The following GREM1 variants were observed in gnomAD, a reference collection of about 807,000 sequenced individuals.
GREM1 encodes the protein gremlin 1, DAN family BMP antagonist.
Under a neutral mutation model 13.1 loss-of-function variants are expected in GREM1, and 6 were observed. The observed-to-expected ratio is 0.46, with a 90% confidence interval of 0.25 to 0.91. The LOEUF is 0.91. Among genes scored for constraint, GREM1 ranks in the 40% least tolerant of loss-of-function variants. The pLI is 0.18. For missense variants in GREM1, 185 were observed against 233.9 expected (o/e 0.79, Z 1.36); for synonymous variants, 98 against 93.7 (o/e 1.05, Z -0.27).
rs2055709231 is a variant in GREM1, at chr15:32,737,446, A to T, written c.*6201A>T. The T allele has an allele frequency of 6.6e-6, 1 of 152,212 alleles. No individual in the cohort carries two copies. The highest frequency in any genetic ancestry group is 2.1e-4 in the South Asian group (1 of 4,826). The allele number at this position is 152,212 out of a possible 1,614,324, so 9.4% of individuals were successfully genotyped here. A position where few individuals can be genotyped will look rare whatever the true frequency, so the allele number is the denominator to read the frequency against. ...TTGACCAAGTGGGATTTGCCCCAGGAATGCAAGATTGATTTAACCATCAGT... is the reference window on the plus strand; with the variant it reads ...TTGACCAAGTGGGATTTGCCCCAGGTATGCAAGATTGATTTAACCATCAGT... On this transcript the variant is annotated 3_prime_UTR_variant, in exon 2 of 2. Transcript: ENST00000651154.
At position 32,734,145 on chromosome 15, in the gene GREM1, C is replaced by T. The variant is rs1422716141; in HGVS notation, c.*2900C>T. 1 of 241,634 alleles carries T rather than the reference C, an allele frequency of 4.1e-6. No homozygotes were observed. Among genetic ancestry groups the T allele is most frequent in the Admixed American group, 5.7e-5 (1 of 17,568 alleles). 15.0% of individuals were successfully genotyped at this position (241,634 alleles called of 1,614,324 possible). A position where few individuals can be genotyped will look rare whatever the true frequency, so the allele number is the denominator to read the frequency against. On this transcript the variant is annotated 3_prime_UTR_variant, in exon 2 of 2. Transcript: ENST00000651154. Reference sequence around the variant, plus strand: ...CTGGTCAGGGGAAACAAAATCTTGACCCAGCTGAACATGTCTTCCTGAGTC... The same window carrying T: ...CTGGTCAGGGGAAACAAAATCTTGATCCAGCTGAACATGTCTTCCTGAGTC...
chr15:32,718,478 C>G (rs1333268040), intron 1 of GREM1: 6 of 465,828 alleles, frequency 1.3e-5, no homozygotes, highest in Non-Finnish European at 2.2e-5. Flanking sequence ...GGCAGCAGCG[C>G]CTGGCAGACG....
rs2055732777 is a variant in GREM1, at chr15:32,738,424, T to C, written c.*7179T>C. The stretch of plus-strand genomic sequence containing the variant: ...AACAGGAAGTGCAAGACTGGTACAT[T>C]GAAAACAATAAAACATTGTTAAAAA... On this transcript the variant is annotated 3_prime_UTR_variant, in exon 2 of 2. Transcript: ENST00000651154. 6.6e-6 allele frequency: 1 copy of C among 151,948 alleles called. No individual in the cohort carries two copies. The highest frequency in any genetic ancestry group is 2.4e-5 in the African/African-American group (1 of 41,318). The allele number at this position is 151,948 out of a possible 1,614,324, so 9.4% of individuals were successfully genotyped here.
At chr15:32,729,854 G>C (rs200428012) in intron 1 of GREM1, among the ~76,000 whole-genome samples, 1 of 151,876 alleles carries the variant, frequency 6.6e-6, no homozygotes, top group African/African-American at 2.4e-5. Context: ...GTGGTACAAA[G>C]TGATACATTG....
Position 32,732,368 on chromosome 15 carries a change from T to A in GREM1, c.*1123T>A, listed in dbSNP as rs763375728. On this transcript the variant is annotated 3_prime_UTR_variant, in exon 2 of 2. Transcript: ENST00000651154. The stretch of plus-strand genomic sequence containing the variant: ...CCACTAACTTGATTGATAAAGATCC[T>A]GCCTCTGCTGAGTGTACCTGACAGT... The A allele has an allele frequency of 4.1e-6, 1 of 243,356 alleles. No individual in the cohort carries two copies. The highest frequency in any genetic ancestry group is 8.7e-6 in the Non-Finnish European group (1 of 115,202). 15.1% of individuals were successfully genotyped at this position (243,356 alleles called of 1,614,324 possible). A position where few individuals can be genotyped will look rare whatever the true frequency, so the allele number is the denominator to read the frequency against.
intron 1 of GREM1, among the ~76,000 whole-genome samples, chr15:32,729,129 T>A (rs1336791146): frequency 6.6e-6 from 1 of 151,982 alleles, no homozygotes; most frequent in Non-Finnish European, 1.5e-5. Flanking sequence ...GTTCACGCCA[T>A]TCTCCTGCCT....
chr15:32,730,530 A>C (rs900897359), intron 1 of GREM1, among the ~76,000 whole-genome samples, 160 bp from the exon 2 acceptor site: 5 of 152,144 alleles, frequency 3.3e-5, no homozygotes, highest in African/African-American at 1.2e-4. Flanking sequence ...GGTCATGGAG[A>C]TAATAGTACC....
Position 32,731,801 on chromosome 15 carries a change from C to A in GREM1, c.*556C>A. ...GTTTGCCAAGGTTCCTAAATTAATT[C>A]ACTTAACCATGATGCAAATGTTTTT... On this transcript the variant is annotated 3_prime_UTR_variant, in exon 2 of 2. Transcript: ENST00000651154. 1 of 235,004 alleles carries A rather than the reference C, an allele frequency of 4.3e-6. No homozygotes were observed. Among genetic ancestry groups the A allele is most frequent in the Non-Finnish European group, 9.1e-6 (1 of 110,058 alleles). The allele number at this position is 235,004 out of a possible 1,614,324, so 14.6% of individuals were successfully genotyped here.
rs2055744136 is a variant in GREM1 at position 32,739,610 on chromosome 15, G to A, written c.*8365G>A. On this transcript the variant is annotated 3_prime_UTR_variant, in exon 2 of 2. Transcript: ENST00000651154. The stretch of plus-strand genomic sequence containing the variant: ...GCAAGATGTTGTATTAGCAAATGCT[G>A]GACCCTTCTTCAATCCACAAACACA... The A allele has an allele frequency of 6.6e-6, 1 of 152,168 alleles. No homozygotes were observed. Among genetic ancestry groups the A allele is most frequent in the Admixed American group, 6.5e-5 (1 of 15,284 alleles). The allele number at this position is 152,168 out of a possible 1,614,324, so 9.4% of individuals were successfully genotyped here.
intron 1 of GREM1, chr15:32,718,699 C>T: frequency 2.8e-6 from 1 of 351,764 alleles, no homozygotes; most frequent in South Asian, 2.1e-5. Flanking sequence ...TGCCGATCCC[C>T]GAGGTGAGAT....
Position 32,732,347 on chromosome 15 carries a change from T to G in GREM1, c.*1102T>G, listed in dbSNP as rs751695955. 1 of 242,124 alleles carries G rather than the reference T, an allele frequency of 4.1e-6. No individual in the cohort carries two copies. Among genetic ancestry groups the G allele is most frequent in the African/African-American group, 2.2e-5 (1 of 45,028 alleles). The allele number at this position is 242,124 out of a possible 1,614,324, so 15.0% of individuals were successfully genotyped here. The stretch of plus-strand genomic sequence containing the variant: ...TTCCCATAATGCTTCTGAGAGCCAC[T>G]AACTTGATTGATAAAGATCCTGCCT... On this transcript the variant is annotated 3_prime_UTR_variant, in exon 2 of 2. Coordinates refer to ENST00000651154, the MANE Select transcript of GREM1 (RefSeq NM_013372.7).
chr15:32,728,328 G>C (rs1186975023), intron 1 of GREM1, among the ~76,000 whole-genome samples: 1 of 152,086 alleles, frequency 6.6e-6, no homozygotes, highest in Non-Finnish European at 1.5e-5. Context: ...TGTTGTTGGG[G>C]TAAAACAAAA....
Position 32,718,069 on chromosome 15 carries a change from T to G in GREM1, c.-94T>G. The stretch of plus-strand genomic sequence containing the variant: ...GCCGCCGCGTCACTCTCGGTCCCGC[T>G]GACCCCGCGCCGAGCCCCGGCGGCT... On this transcript the variant is annotated 5_prime_UTR_variant, in exon 1 of 2. Coordinates refer to ENST00000651154, the MANE Select transcript of GREM1 (RefSeq NM_013372.7). 8.2e-7 allele frequency: 1 copy of G among 1,212,996 alleles called. No individual in the cohort carries two copies. 75.1% of individuals were successfully genotyped at this position (1,212,996 alleles called of 1,614,324 possible). A position where few individuals can be genotyped will look rare whatever the true frequency, so the allele number is the denominator to read the frequency against.
intron 1 of GREM1, among the ~76,000 whole-genome samples, chr15:32,727,552 A>C (rs2055534137): frequency 1.3e-5 from 2 of 152,224 alleles, no homozygotes; most frequent in South Asian, 4.1e-4. Context: ...CTGAATGGGC[A>C]AAAGCTGGAA....
At position 32,742,256 on chromosome 15, in the gene GREM1, G is replaced by A. The variant is rs1252268378; in HGVS notation, c.*11011G>A. 1 of 152,078 alleles carries A rather than the reference G, an allele frequency of 6.6e-6. No individual in the cohort carries two copies. Among genetic ancestry groups the A allele is most frequent in the Non-Finnish European group, 1.5e-5 (1 of 67,982 alleles). The allele number at this position is 152,078 out of a possible 1,614,324, so 9.4% of individuals were successfully genotyped here. The stretch of plus-strand genomic sequence containing the variant: ...AAGAGTTTGAGAATAATTGGCATTA[G>A]TTTTGTTAAATGTTTGGTTGAATTC... On this transcript the variant is annotated 3_prime_UTR_variant, in exon 2 of 2. Transcript: ENST00000651154.
chr15:32,731,025 C>T lies in GREM1; in HGVS notation c.335C>T (p.Thr112Ile), dbSNP rs1259486563. The T allele has an allele frequency of 6.2e-7, 1 of 1,614,062 alleles. No individual in the cohort carries two copies. The highest frequency in any genetic ancestry group is 1.3e-5 in the African/African-American group (1 of 74,936). Residue 112 changes from threonine (T) to isoleucine (I), a missense_variant, in exon 2 of 2, where the codon ACC becomes ATC. Physicochemically the swap from Thr to Ile is moderately conservative, Grantham distance 89. Transcript: ENST00000651154. The part of the protein sequence containing the change: ...TIHEEGCNSR[T>I]IINRFCYGQC... Reference sequence around the variant, plus strand: ...CACGAGGAAGGCTGCAACAGTCGCACCATCATCAACCGCTTCTGTTACGGC... The same window carrying T: ...CACGAGGAAGGCTGCAACAGTCGCATCATCATCAACCGCTTCTGTTACGGC...
chr15:32,732,310 C>A lies in GREM1; in HGVS notation c.*1065C>A, dbSNP rs1241763689. On this transcript the variant is annotated 3_prime_UTR_variant, in exon 2 of 2. Coordinates refer to ENST00000651154, the MANE Select transcript of GREM1 (RefSeq NM_013372.7). ...TATCGTGGTTATAGTCAGCTCATTT[C>A]CATTCCACTATTTCCCATAATGCTT... 2 of 239,366 alleles carry A rather than the reference C, an allele frequency of 8.4e-6. No homozygotes were observed. Among genetic ancestry groups the A allele is most frequent in the African/African-American group, 4.5e-5 (2 of 44,880 alleles). The allele number at this position is 239,366 out of a possible 1,614,324, so 14.8% of individuals were successfully genotyped here. A position where few individuals can be genotyped will look rare whatever the true frequency, so the allele number is the denominator to read the frequency against.
Position 32,744,966 on chromosome 15 carries a change from T to G in GREM1, c.*13721T>G, listed in dbSNP as rs1178480552. On this transcript the variant is annotated 3_prime_UTR_variant, in exon 2 of 2. Transcript: ENST00000651154. ...CTTGATTTCGTAGATTGCTTTAAAA[T>G]AAGAACAAAATGTACTTTGACACAC... The G allele has an allele frequency of 6.6e-6, 1 of 152,178 alleles. No individual in the cohort carries two copies. Among genetic ancestry groups the G allele is most frequent in the Non-Finnish European group, 1.5e-5 (1 of 68,036 alleles). 9.4% of individuals were successfully genotyped at this position (152,178 alleles called of 1,614,324 possible). A position where few individuals can be genotyped will look rare whatever the true frequency, so the allele number is the denominator to read the frequency against.
Position 32,734,588 on chromosome 15 carries a change from T to G in GREM1, c.*3343T>G, listed in dbSNP as rs905741775. On this transcript the variant is annotated 3_prime_UTR_variant, in exon 2 of 2. Coordinates refer to ENST00000651154, the MANE Select transcript of GREM1 (RefSeq NM_013372.7). ...GCTTCAAGTTTCATGAATCTGTAAC[T>G]AGAATTTAATTTTCACCCCAATAAT... The G allele has an allele frequency of 8.1e-6, 2 of 246,888 alleles. No individual in the cohort carries two copies. The highest frequency in any genetic ancestry group is 1.7e-5 in the Non-Finnish European group (2 of 117,436). 15.3% of individuals were successfully genotyped at this position (246,888 alleles called of 1,614,324 possible). A position where few individuals can be genotyped will look rare whatever the true frequency, so the allele number is the denominator to read the frequency against.
Sources: allele counts gnomAD v4.1 joint callset (sites outside exome capture counted in the v4.1 genomes callset), GRCh38; gene constraint gnomAD v4.1.1; transcripts MANE v1.5; gene names NCBI Gene and HGNC (gene_info 2026-07-23, HGNC 2026-07-21).